Variants in DLGAP2 observed in about 807,000 individuals in gnomAD.
DLGAP2 encodes disks large-associated protein 2.
DLGAP2 carries 26 observed loss-of-function variants against 100.3 expected under a neutral mutation model. The observed-to-expected ratio is 0.26, with a 90% CI of 0.19 to 0.36. The LOEUF is 0.36. DLGAP2 is among the 10% of genes least tolerant of loss of function. DLGAP2 has a pLI of 1.00. For missense variants in DLGAP2, 1,858 were observed against 1,453.2 expected (o/e 1.28, Z -4.53); for synonymous variants, 886 against 630.1 (o/e 1.41, Z -6.08).
intron 2 of DLGAP2, among the ~76,000 whole-genome samples, chr8:1,118,469 G>A (rs1795951142): frequency 1.3e-5 from 2 of 152,198 alleles, no homozygotes; most frequent in South Asian, 4.1e-4. Context: ...CAAAACTTCT[G>A]CACTGGGACA....
At chr8:759,033 T>C (rs1820993924) in intron 1 of DLGAP2, among the ~76,000 whole-genome samples, 1 of 146,574 alleles carries the variant, frequency 6.8e-6, no homozygotes, top group Admixed American at 6.9e-5. Flanking sequence ...CCTGACAGCC[T>C]TCCCATTATC....
intron 1 of DLGAP2, among the ~76,000 whole-genome samples, chr8:803,719 G>A (rs1378170543): frequency 1.3e-5 from 2 of 152,200 alleles, no homozygotes; most frequent in Non-Finnish European, 2.9e-5. Context: ...GGGTCAAAGG[G>A]ATGTTTTACT....
chr8:1,263,535 A>G (rs1461430451), intron 3 of DLGAP2, among the ~76,000 whole-genome samples: 1 of 152,192 alleles, frequency 6.6e-6, no homozygotes, highest in East Asian at 1.9e-4. Flanking sequence ...GTTTTCGTGC[A>G]GTTAGTAGCA....
At chr8:1,448,835 AT>A (rs1200105816) in intron 3 of DLGAP2, among the ~76,000 whole-genome samples, 2 of 152,174 alleles carry the variant, frequency 1.3e-5, no homozygotes, top group Non-Finnish European at 2.9e-5. Flanking sequence ...CCATGGAAAG[AT>A]TTGGAGAAAG....
chr8:1,502,977 T>A (rs575584326), intron 4 of DLGAP2, among the ~76,000 whole-genome samples: 1 of 151,662 alleles, frequency 6.6e-6, no homozygotes, highest in South Asian at 2.1e-4. Context: ...AGTGCAGGAG[T>A]CACTCTGGGG....
At chr8:1,580,748 G>T (rs1803204061) in intron 6 of DLGAP2, among the ~76,000 whole-genome samples, 1 of 151,712 alleles carries the variant, frequency 6.6e-6, no homozygotes, top group African/African-American at 2.4e-5. Flanking sequence ...ACATACCACA[G>T]TCAAACTACC....
intron 2 of DLGAP2, among the ~76,000 whole-genome samples, chr8:936,417 G>T (rs767646497): frequency 6.6e-6 from 1 of 152,222 alleles, no homozygotes; most frequent in African/African-American, 2.4e-5. Context: ...CTGGGAGATG[G>T]CGGCCTTTCT....
At chr8:1,392,147 G>T (rs1253998718) in intron 3 of DLGAP2, among the ~76,000 whole-genome samples, 1 of 152,184 alleles carries the variant, frequency 6.6e-6, no homozygotes, top group African/African-American at 2.4e-5. Context: ...TCAGAGGCTG[G>T]GGTGGGCCTA....
At chr8:1,196,601 G>A (rs184465558) in intron 2 of DLGAP2, among the ~76,000 whole-genome samples, 1 of 152,242 alleles carries the variant, frequency 6.6e-6, no homozygotes, top group Non-Finnish European at 1.5e-5. Flanking sequence ...AACAGCACTT[G>A]TGCAGAGGCA....
At chr8:940,038 G>C (rs1799158362) in intron 2 of DLGAP2, among the ~76,000 whole-genome samples, 1 of 152,052 alleles carries the variant, frequency 6.6e-6, no homozygotes, top group Non-Finnish European at 1.5e-5. Context: ...CTTTAAGGTG[G>C]AAAGCTTCTT....
At chr8:1,488,482 C>T (rs528907677) in intron 3 of DLGAP2, among the ~76,000 whole-genome samples, 6 of 152,246 alleles carry the variant, frequency 3.9e-5, no homozygotes, top group Non-Finnish European at 5.9e-5. Context: ...CCAGTCGGAA[C>T]GGTGCCTGGC....
intron 3 of DLGAP2, among the ~76,000 whole-genome samples, chr8:1,350,395 G>A (rs1375240821): frequency 1.1e-5 from 1 of 89,796 alleles, no homozygotes; most frequent in African/African-American, 4.1e-5. Context: ...TGGAAAGGCC[G>A]CGCGGGTCCT....
intron 2 of DLGAP2, among the ~76,000 whole-genome samples, chr8:927,437 C>A (rs1471654900): frequency 6.6e-6 from 1 of 152,154 alleles, no homozygotes; most frequent in Non-Finnish European, 1.5e-5. Context: ...CACCAAAGGT[C>A]TCAGGGTGGA....
chr8:1,703,306 A>G lies in DLGAP2; in HGVS notation c.*1900A>G, dbSNP rs2130898007. On this transcript the variant is annotated 3_prime_UTR_variant, in exon 15 of 15. Coordinates refer to ENST00000637795, the MANE Select transcript of DLGAP2 (RefSeq NM_001346810.2). ...GTATCTCCTTGAAAAATGCAAAAAA[A>G]AAAAAATCCCTGAAATATTCTTCTA... 1 of 152,670 alleles carries G rather than the reference A, an allele frequency of 6.6e-6. No individual in the cohort carries two copies. Among genetic ancestry groups the G allele is most frequent in the East Asian group, 1.9e-4 (1 of 5,174 alleles). 9.5% of individuals were successfully genotyped at this position (152,670 alleles called of 1,614,324 possible). A position where few individuals can be genotyped will look rare whatever the true frequency, so the allele number is the denominator to read the frequency against.
chr8:1,010,479 C>G (rs1241181173), intron 2 of DLGAP2, among the ~76,000 whole-genome samples: 5 of 152,236 alleles, frequency 3.3e-5, no homozygotes. Context: ...CATGTGCACT[C>G]TAAAATACTA....
intron 2 of DLGAP2, among the ~76,000 whole-genome samples, chr8:924,478 G>C (rs747789133): frequency 1.3e-5 from 2 of 152,166 alleles, no homozygotes; most frequent in Non-Finnish European, 2.9e-5. Context: ...GCCCGGTGAA[G>C]TTTAGTGCTG....
intron 2 of DLGAP2, among the ~76,000 whole-genome samples, chr8:1,047,042 T>C (rs1033510106): frequency 1.3e-5 from 2 of 152,128 alleles, no homozygotes; most frequent in Admixed American, 1.3e-4. Context: ...CATTCAGTGG[T>C]TTTAATATAT....
chr8:874,377 C>G (rs576556500), intron 1 of DLGAP2, among the ~76,000 whole-genome samples: 18 of 152,254 alleles, frequency 1.2e-4, no homozygotes, highest in African/African-American at 3.8e-4. Flanking sequence ...TTGGCTGCAT[C>G]TCATAAGGTT....
At chr8:1,689,541 G>C (rs556799306) in intron 12 of DLGAP2, among the ~76,000 whole-genome samples, 1 of 152,242 alleles carries the variant, frequency 6.6e-6, no homozygotes. Context: ...TCCAACGGAA[G>C]CAGGAGAAAG....
Sources: allele counts gnomAD v4.1 joint callset (sites outside exome capture counted in the v4.1 genomes callset), GRCh38; gene constraint gnomAD v4.1.1; transcripts MANE v1.5; gene names NCBI Gene and HGNC (gene_info 2026-07-23, HGNC 2026-07-21).